TMEM272: variants seen among roughly 807,000 people sequenced by gnomAD.
TMEM272 encodes the protein long intergenic non-protein coding RNA 282.
In TMEM272, 8 loss-of-function variants were observed where a neutral mutation model predicts 3.7. The observed-to-expected ratio is 2.17, with a 90% CI of 1.27 to 3.91. The LOEUF is 3.91. Ranked by LOEUF, TMEM272 falls within the 30% of genes most tolerant of loss-of-function variation. The pLI is 0.00. For synonymous variants in TMEM272, 63 were observed against 39.8 expected (o/e 1.58, Z -2.20); for missense variants, 166 against 91.5 (o/e 1.81, Z -3.32).
At chr13:51,831,007 A>G (rs1282598842) in intron 2 of TMEM272, among the ~76,000 whole-genome samples, 1 of 151,894 alleles carries the variant, frequency 6.6e-6, no homozygotes, top group Admixed American at 6.6e-5. Context: ...TCTTGCTCGA[A>G]GTCTAATGAG....
the TMEM272 span, among the ~76,000 whole-genome samples, chr13:51,905,898 T>G: frequency 6.6e-6 from 1 of 152,208 alleles, no homozygotes; most frequent in African/African-American, 2.4e-5. Flanking sequence ...AGGCTTCACC[T>G]GTGGCTCTGA....
chr13:51,828,781 A>G (rs1322538539), intron 2 of TMEM272, among the ~76,000 whole-genome samples: 2 of 152,198 alleles, frequency 1.3e-5, no homozygotes, highest in Non-Finnish European at 2.9e-5. Context: ...TTTACCGCCA[A>G]TATTCACATT....
the TMEM272 span, chr13:51,909,485 G>A: frequency 1.1e-6 from 1 of 933,238 alleles, no homozygotes; most frequent in African/African-American, 1.6e-5. Context: ...TTAACTTTCT[G>A]TTGAAGTTTC....
the TMEM272 span, among the ~76,000 whole-genome samples, chr13:51,899,357 TA>T: frequency 1.9e-3 from 289 of 152,248 alleles, 2 homozygotes; most frequent in African/African-American, 6.5e-3. Context: ...ATGTGTCAAT[TA>T]AAAACAGTAA....
At chr13:51,863,262 G>C in the TMEM272 span, among the ~76,000 whole-genome samples, 2 of 152,330 alleles carry the variant, frequency 1.3e-5, no homozygotes, top group Admixed American at 6.5e-5. Context: ...CTGGAGTTGG[G>C]CTGCACAAGG....
chr13:51,933,611 C>T, the TMEM272 span: 2 of 152,186 alleles, frequency 1.3e-5, no homozygotes, highest in East Asian at 3.8e-4. Flanking sequence ...GTGCTGTGGC[C>T]ACTCCTTTTC....
chr13:51,898,964 A>G, the TMEM272 span, among the ~76,000 whole-genome samples: 2 of 152,084 alleles, frequency 1.3e-5, no homozygotes, highest in African/African-American at 4.8e-5. Context: ...TCCACTGCTG[A>G]TCACTGCTGG....
the TMEM272 span, among the ~76,000 whole-genome samples, chr13:51,884,979 G>A: frequency 6.6e-6 from 1 of 152,318 alleles, no homozygotes. Flanking sequence ...CTACACAACG[G>A]TCTCAGGCAC....
At chr13:51,864,193 T>G in the TMEM272 span, among the ~76,000 whole-genome samples, 1 of 151,678 alleles carries the variant, frequency 6.6e-6, no homozygotes, top group Non-Finnish European at 1.5e-5. Flanking sequence ...CTGTATTGAC[T>G]GGGGTACATA....
the TMEM272 span, among the ~76,000 whole-genome samples, chr13:51,860,819 G>GTGTGTGTA: frequency 2.5e-5 from 1 of 40,698 alleles, no homozygotes; most frequent in Non-Finnish European, 4.6e-5. Context: ...ATATATAGAA[G>GTGTGTGTA]TGTGTGTGTG....
At chr13:51,899,815 T>C in the TMEM272 span, among the ~76,000 whole-genome samples, 1 of 152,254 alleles carries the variant, frequency 6.6e-6, no homozygotes, top group African/African-American at 2.4e-5. Flanking sequence ...GGAATAGAAC[T>C]ACATTTTTAT....
Position 51,816,830 on chromosome 13 carries a change from G to GT in TMEM272, c.484dup (p.Thr162AsnfsTer25). 3 of 703,080 alleles carry GT rather than the reference G, an allele frequency of 4.3e-6. No individual in the cohort carries two copies. Among genetic ancestry groups the GT allele is most frequent in the Admixed American group, 4.0e-5 (2 of 50,026 alleles). 43.6% of individuals were successfully genotyped at this position (703,080 alleles called of 1,614,324 possible). On this transcript the variant is annotated frameshift_variant, in exon 5 of 5. Transcript: ENST00000629372. LOFTEE classifies it low-confidence loss of function (END_TRUNC). ...GCACAGCAGGAGCAAGACCAGCACA[G>GT]TGTGACTGAGCGCCAGGACTCCGAC...
the TMEM272 span, among the ~76,000 whole-genome samples, chr13:51,859,419 A>G: frequency 6.6e-6 from 1 of 151,860 alleles, no homozygotes; most frequent in Non-Finnish European, 1.5e-5. Flanking sequence ...GGCTCTCACA[A>G]GAAGGAAGCG....
At chr13:51,881,468 G>A in the TMEM272 span, among the ~76,000 whole-genome samples, 2 of 152,178 alleles carry the variant, frequency 1.3e-5, no homozygotes, top group African/African-American at 4.8e-5. Context: ...GAAAGAGGAA[G>A]TAGGAGGAGT....
intron 3 of TMEM272, among the ~76,000 whole-genome samples, chr13:51,824,230 C>A (rs1956104156): frequency 6.6e-6 from 1 of 152,162 alleles, no homozygotes; most frequent in South Asian, 2.1e-4. Flanking sequence ...CTTCTTAGGA[C>A]CTACCTTAAC....
At chr13:51,927,739 G>A in the TMEM272 span, among the ~76,000 whole-genome samples, 1 of 152,160 alleles carries the variant, frequency 6.6e-6, no homozygotes, top group Non-Finnish European at 1.5e-5. Context: ...CATCCCAGAT[G>A]CTCCCTGAGA....
chr13:51,866,304 G>A, the TMEM272 span: 31 of 483,222 alleles, frequency 6.4e-5, no homozygotes, highest in Non-Finnish European at 2.6e-5. Context: ...CCACCTCTGG[G>A]CCACAGAGAT....
chr13:51,865,981 GAAC>G, the TMEM272 span: 2 of 1,613,978 alleles, frequency 1.2e-6, no homozygotes, highest in Non-Finnish European at 1.7e-6. Flanking sequence ...TCTGGATGGA[GAAC>G]AATGGCCACA....
At chr13:51,924,254 C>CA in the TMEM272 span, among the ~76,000 whole-genome samples, 1 of 151,902 alleles carries the variant, frequency 6.6e-6, no homozygotes, top group Non-Finnish European at 1.5e-5. Flanking sequence ...AAACAACAAC[C>CA]AAAAAAACAC....
Sources: gnomAD v4.1 joint callset for allele counts (sites outside exome capture counted in the v4.1 genomes callset) on GRCh38, gnomAD v4.1.1 for gene constraint, MANE v1.5 for transcripts, NCBI Gene and HGNC (gene_info 2026-07-23, HGNC 2026-07-21) for gene names.